POU2F2: variants seen among roughly 807,000 people sequenced by gnomAD.
The protein encoded by POU2F2 is POU class 2 homeobox 2.
Under a neutral mutation model 63.5 loss-of-function variants are expected in POU2F2, and 14 were observed. The ratio of observed to expected loss-of-function variants is 0.22; its 90% confidence interval spans 0.15 to 0.34. The LOEUF (loss-of-function observed/expected upper bound fraction) is 0.34. POU2F2 is among the 10% of genes least tolerant of loss of function. POU2F2 has a pLI of 1.00. For synonymous variants in POU2F2, 306 were observed against 348.6 expected (o/e 0.88, Z 1.36); for missense variants, 607 against 815.2 (o/e 0.74, Z 3.11).
chr19:42,164,250 C>T (rs573972304), intron 1 of POU2F2, among the ~76,000 whole-genome samples: 75 of 150,560 alleles, frequency 5.0e-4, no homozygotes, highest in African/African-American at 1.8e-3. Flanking sequence ...TGAGATTGCG[C>T]CACTGCACTC....
intron 2 of POU2F2, among the ~76,000 whole-genome samples, chr19:42,146,051 A>T (rs921244471): frequency 6.6e-6 from 1 of 151,612 alleles, no homozygotes; most frequent in African/African-American, 2.4e-5. Flanking sequence ...AAAAAAAAAA[A>T]AGAAAAAAAA....
At chr19:42,192,837 A>G (rs1245390347) in intron 1 of POU2F2, among the ~76,000 whole-genome samples, 1 of 152,218 alleles carries the variant, frequency 6.6e-6, no homozygotes, top group Non-Finnish European at 1.5e-5. Flanking sequence ...GACAATGTGA[A>G]GCAAAGAGAG....
upstream of POU2F2, among the ~76,000 whole-genome samples, chr19:42,196,854 C>T (rs1015189420): frequency 2.6e-5 from 4 of 152,272 alleles, no homozygotes; most frequent in African/African-American, 9.6e-5. Flanking sequence ...GTTGGCCCTC[C>T]TGACTTCTGG....
Position 42,153,453 on chromosome 19 carries a change from A to G in POU2F2, c.-9+6879T>C, listed in dbSNP as rs900040158. ...CTATGTGTTCCCATGTGCTCTGGGAAGCCTGTGTGTGTTGGCGTGCGCATG... is the reference window on the plus strand; with the variant it reads ...CTATGTGTTCCCATGTGCTCTGGGAGGCCTGTGTGTGTTGGCGTGCGCATG... On this transcript the variant is annotated intron_variant, in intron 2 of 6. Transcript: ENST00000524801. This position sits in a 1 kb window ranked among gnomAD's most constrained non-coding sequence, Gnocchi z 5.6. 1.2e-4 allele frequency among the ~76,000 whole-genome samples: 18 copies of G among 152,090 alleles called. No homozygotes were observed. The highest frequency in any genetic ancestry group is 5.2e-4 in the Admixed American group (8 of 15,276).
At chr19:42,176,720 C>T (rs1192492580), upstream of POU2F2, among the ~76,000 whole-genome samples, 1 of 151,394 alleles carries the variant, frequency 6.6e-6, no homozygotes, top group Non-Finnish European at 1.5e-5. Flanking sequence ...AAGCTGACCC[C>T]CCCCATCCCC....
At chr19:42,181,571 C>T (rs7507356) in intron 1 of POU2F2, among the ~76,000 whole-genome samples, 20 of 148,388 alleles carry the variant, frequency 1.3e-4, no homozygotes, top group Non-Finnish European at 2.1e-4. Context: ...TCTGAACATA[C>T]ATTTATTTAT....
intron 5 of POU2F2, among the ~76,000 whole-genome samples, chr19:42,115,484 C>G (rs934681828): frequency 1.3e-5 from 2 of 152,238 alleles, no homozygotes; most frequent in East Asian, 3.8e-4. Flanking sequence ...GGAAGTTAAA[C>G]AGGTGGCTTT....
chr19:42,102,012 C>T (rs1286007379), intron 5 of POU2F2, among the ~76,000 whole-genome samples: 1 of 151,932 alleles, frequency 6.6e-6, no homozygotes, highest in African/African-American at 2.4e-5. Context: ...ACATACACCA[C>T]CCTTAGGACC....
At chr19:42,185,751 T>C (rs1213825325) in intron 1 of POU2F2, among the ~76,000 whole-genome samples, 4 of 152,094 alleles carry the variant, frequency 2.6e-5, no homozygotes, top group South Asian at 4.1e-4. Flanking sequence ...ATGACCTCCA[T>C]AGAAGGTACC....
At chr19:42,161,750 T>C (rs1243530494) in intron 1 of POU2F2, among the ~76,000 whole-genome samples, 2 of 152,078 alleles carry the variant, frequency 1.3e-5, no homozygotes, top group South Asian at 2.1e-4. Context: ...TGGGCCTTCA[T>C]CTTCAGGGGC....
intron 2 of POU2F2, among the ~76,000 whole-genome samples, chr19:42,140,429 C>T (rs1331399034): frequency 6.6e-6 from 1 of 152,248 alleles, no homozygotes; most frequent in Non-Finnish European, 1.5e-5. Context: ...CTTACTGTGG[C>T]CTCCAGGGCC....
chr19:42,182,274 G>GAGAGAGAA (rs1176909416), intron 1 of POU2F2, among the ~76,000 whole-genome samples: 1 of 150,362 alleles, frequency 6.7e-6, no homozygotes, highest in African/African-American at 2.5e-5. Context: ...GAGAGAGAGA[G>GAGAGAGAA]AGAGAGACCT....
intron 5 of POU2F2, among the ~76,000 whole-genome samples, chr19:42,115,681 C>T (rs1265494651): frequency 6.6e-6 from 1 of 152,166 alleles, no homozygotes; most frequent in Non-Finnish European, 1.5e-5. Flanking sequence ...TACTCAGCTC[C>T]CACTCTGCTC....
intron 1 of POU2F2, among the ~76,000 whole-genome samples, chr19:42,175,438 G>A (rs2034854990): frequency 6.6e-6 from 1 of 151,904 alleles, no homozygotes; most frequent in African/African-American, 2.4e-5. Context: ...TGGCAACAGG[G>A]GAAATGAGTG....
intron 4 of POU2F2, among the ~76,000 whole-genome samples, chr19:42,121,713 C>T (rs1216932747): frequency 1.3e-5 from 2 of 152,212 alleles, no homozygotes; most frequent in East Asian, 1.9e-4. Flanking sequence ...TGGCTGCTTC[C>T]GGCCTCCCTG....
chr19:42,167,494 T>A (rs1309486832), intron 1 of POU2F2, among the ~76,000 whole-genome samples: 1 of 149,236 alleles, frequency 6.7e-6, no homozygotes. Context: ...ATTTTAAACA[T>A]AAAGGAAAAG....
At chr19:42,192,567 T>A (rs899870987) in intron 1 of POU2F2, among the ~76,000 whole-genome samples, 8 of 152,166 alleles carry the variant, frequency 5.3e-5, no homozygotes, top group African/African-American at 1.9e-4. Flanking sequence ...TAATAATAAT[T>A]CTTCTTATTT....
chr19:42,108,023 A>G (rs1311177649), intron 5 of POU2F2, among the ~76,000 whole-genome samples: 1 of 152,138 alleles, frequency 6.6e-6, no homozygotes, highest in East Asian at 1.9e-4. Flanking sequence ...CCTCCTCATC[A>G]TTTAAGTCTC....
intron 5 of POU2F2, among the ~76,000 whole-genome samples, chr19:42,106,943 T>C (rs533188273): frequency 2.7e-4 from 41 of 152,178 alleles, no homozygotes; most frequent in Middle Eastern, 3.4e-3. Flanking sequence ...GGAGGATCCC[T>C]TGAACCCAGG....
Sources: gnomAD v4.1 joint callset for allele counts (sites outside exome capture counted in the v4.1 genomes callset) on GRCh38, gnomAD v4.1.1 for gene constraint, Gnocchi (gnomAD v3.1) non-coding constraint, MANE v1.5 for transcripts, NCBI Gene and HGNC (gene_info 2026-07-23, HGNC 2026-07-21) for gene names.